Variants in SLC24A2 observed in about 807,000 individuals in gnomAD.
The protein encoded by SLC24A2 is solute carrier family 24 member 2.
A neutral mutation model predicts 62.0 loss-of-function variants in SLC24A2; 36 were observed. The ratio of observed to expected loss-of-function variants is 0.58; its 90% CI spans 0.44 to 0.77. SLC24A2 has a LOEUF of 0.77. Ranked by LOEUF, SLC24A2 falls within the 30% of genes least tolerant of loss-of-function variation. SLC24A2 has a pLI of 0.00. For missense variants in SLC24A2, 846 were observed against 817.9 expected (o/e 1.03, Z -0.42); for synonymous variants, 358 against 294.0 (o/e 1.22, Z -2.23).
At chr9:20,056,628 T>A in the SLC24A2 span, among the ~76,000 whole-genome samples, 3 of 152,210 alleles carry the variant, frequency 2.0e-5, no homozygotes, top group Non-Finnish European at 4.4e-5. Flanking sequence ...GTTGAATAAC[T>A]CTCAGTGGAA....
At chr9:20,259,481 G>T in the SLC24A2 span, among the ~76,000 whole-genome samples, 2 of 151,922 alleles carry the variant, frequency 1.3e-5, no homozygotes, top group Non-Finnish European at 2.9e-5. Context: ...TATCACACTC[G>T]CCCTACCCTG....
the SLC24A2 span, among the ~76,000 whole-genome samples, chr9:20,250,138 T>C: frequency 6.6e-6 from 1 of 152,212 alleles, no homozygotes; most frequent in African/African-American, 2.4e-5. Context: ...TCATACTTAA[T>C]TCCCATAGCA....
At chr9:19,961,127 G>C in the SLC24A2 span, among the ~76,000 whole-genome samples, 1 of 120,930 alleles carries the variant, frequency 8.3e-6, no homozygotes, top group Non-Finnish European at 1.7e-5. Flanking sequence ...AGGAGAGAGA[G>C]ACAGAAGAAA....
chr9:20,249,539 T>C, the SLC24A2 span, among the ~76,000 whole-genome samples: 1 of 151,970 alleles, frequency 6.6e-6, no homozygotes. Flanking sequence ...ACTCCATCTC[T>C]ATTAAAAACA....
chr9:19,548,891 T>C (rs540428888), intron 8 of SLC24A2, among the ~76,000 whole-genome samples: 6 of 152,160 alleles, frequency 3.9e-5, no homozygotes, highest in Non-Finnish European at 7.4e-5. Context: ...ACGAGGAACA[T>C]TTAGTGCAGA....
chr9:19,676,606 T>C (rs1819568104), intron 2 of SLC24A2, among the ~76,000 whole-genome samples: 1 of 152,162 alleles, frequency 6.6e-6, no homozygotes, highest in Non-Finnish European at 1.5e-5. Context: ...AAAAGAGTTT[T>C]TCATTAAAAA....
chr9:20,163,535 C>T, the SLC24A2 span, among the ~76,000 whole-genome samples: 1 of 151,864 alleles, frequency 6.6e-6, no homozygotes, highest in African/African-American at 2.4e-5. Context: ...AGAATCAATA[C>T]CATGAAAATG....
chr9:20,173,100 G>T, the SLC24A2 span, among the ~76,000 whole-genome samples: 1 of 152,010 alleles, frequency 6.6e-6, no homozygotes, highest in East Asian at 1.9e-4. Flanking sequence ...CATCTCAACA[G>T]ATGCAGAAAA....
intron 2 of SLC24A2, among the ~76,000 whole-genome samples, chr9:19,692,699 T>C (rs13287081): frequency 0.19 from 28,952 of 152,080 alleles, 2,933 homozygotes; most frequent in Middle Eastern, 0.24. Context: ...ACATTCTTAT[T>C]TGCTGTGTTT....
the SLC24A2 span, among the ~76,000 whole-genome samples, chr9:19,842,113 A>T: frequency 6.6e-6 from 1 of 152,174 alleles, no homozygotes; most frequent in Non-Finnish European, 1.5e-5. Flanking sequence ...AGTGGCAGAG[A>T]TTCATCTTCC....
At chr9:19,901,649 T>G in the SLC24A2 span, among the ~76,000 whole-genome samples, 3 of 152,176 alleles carry the variant, frequency 2.0e-5, no homozygotes, top group Non-Finnish European at 4.4e-5. Context: ...TTCATTGTGT[T>G]GGTGGAGACT....
At chr9:19,867,008 G>C in the SLC24A2 span, among the ~76,000 whole-genome samples, 1 of 151,806 alleles carries the variant, frequency 6.6e-6, no homozygotes, top group East Asian at 1.9e-4. Flanking sequence ...AACACAACAG[G>C]GTGACCATGG....
At chr9:19,706,261 C>T (rs1389339937) in intron 2 of SLC24A2, among the ~76,000 whole-genome samples, 1 of 151,808 alleles carries the variant, frequency 6.6e-6, no homozygotes, top group Non-Finnish European at 1.5e-5. Flanking sequence ...GCAACCCCTG[C>T]CTTTTTTTGT....
At chr9:19,552,483 A>G (rs530940429) in intron 7 of SLC24A2, among the ~76,000 whole-genome samples, 2 of 152,212 alleles carry the variant, frequency 1.3e-5, no homozygotes, top group South Asian at 4.1e-4. Flanking sequence ...GTACTGCATC[A>G]TTCTTAATAA....
chr9:20,236,335 G>A, the SLC24A2 span, among the ~76,000 whole-genome samples: 6 of 152,054 alleles, frequency 3.9e-5, no homozygotes, highest in African/African-American at 1.2e-4. Context: ...CTATCTGAGT[G>A]GGGGAAAGGT....
chr9:19,994,594 A>T, the SLC24A2 span, among the ~76,000 whole-genome samples: 23 of 152,008 alleles, frequency 1.5e-4, 1 homozygote, highest in Non-Finnish European at 5.9e-5. Context: ...ATCACTTACC[A>T]CTCTCAGATT....
At chr9:19,541,939 G>A (rs1441530165) in intron 8 of SLC24A2, among the ~76,000 whole-genome samples, 3 of 152,218 alleles carry the variant, frequency 2.0e-5, no homozygotes, top group Non-Finnish European at 4.4e-5. Context: ...TCTGAAAAGC[G>A]CAATATTCGG....
intron 4 of SLC24A2, among the ~76,000 whole-genome samples, chr9:19,603,661 G>T (rs1470434887): frequency 1.3e-5 from 2 of 152,044 alleles, no homozygotes; most frequent in Non-Finnish European, 2.9e-5. Flanking sequence ...CTAGACTACT[G>T]CAATGGTCTT....
chr9:19,932,006 T>C, the SLC24A2 span, among the ~76,000 whole-genome samples: 1 of 152,120 alleles, frequency 6.6e-6, no homozygotes, highest in African/African-American at 2.4e-5. Flanking sequence ...TAAAAAATCA[T>C]CCATTATGCA....
Sources: gnomAD v4.1 joint callset for allele counts (sites outside exome capture counted in the v4.1 genomes callset) on GRCh38, gnomAD v4.1.1 for gene constraint, MANE v1.5 for transcripts, NCBI Gene and HGNC (gene_info 2026-07-23, HGNC 2026-07-21) for gene names.